STRBP: variants seen among roughly 807,000 people sequenced by gnomAD.
STRBP encodes spermatid perinuclear RNA-binding protein.
In STRBP, 13 loss-of-function variants were observed where a neutral mutation model predicts 80.1. That is an observed-to-expected ratio of 0.16 (90% CI 0.11 to 0.26). The LOEUF is 0.26. Ranked by LOEUF, STRBP falls within the 10% of genes least tolerant of loss-of-function variation. The pLI is 1.00. For synonymous variants in STRBP, 284 were observed against 291.2 expected (o/e 0.98, Z 0.25); for missense variants, 485 against 815.2 (o/e 0.59, Z 4.93).
At chr9:123,212,121 C>T (rs1394880511) in intron 2 of STRBP, among the ~76,000 whole-genome samples, 1 of 152,054 alleles carries the variant, frequency 6.6e-6, no homozygotes, top group Non-Finnish European at 1.5e-5. Flanking sequence ...TTAGAAAACT[C>T]AACATTAGGA....
chr9:123,199,902 A>G (rs1040558763), intron 2 of STRBP, among the ~76,000 whole-genome samples: 1 of 152,032 alleles, frequency 6.6e-6, no homozygotes, highest in Non-Finnish European at 1.5e-5. Flanking sequence ...TTCCAGAACT[A>G]TGTTTAATAG....
At chr9:123,127,961 T>C (rs1035144077) in intron 18 of STRBP, among the ~76,000 whole-genome samples, 14 of 152,184 alleles carry the variant, frequency 9.2e-5, no homozygotes, top group African/African-American at 3.4e-4. Context: ...CTTAAAATAT[T>C]TAATTTCAAT....
At chr9:123,129,793 G>T (rs944103591) in intron 17 of STRBP, among the ~76,000 whole-genome samples, 1 of 152,124 alleles carries the variant, frequency 6.6e-6, no homozygotes, top group Admixed American at 6.5e-5. Flanking sequence ...GAAGTAAACT[G>T]CTTTTAGGGA....
chr9:123,136,656 C>T lies in STRBP; in HGVS notation c.1498-141G>A. ...GGGGCTAGAATGAGTCACCTCTTTACACAAATGGCAAAATATCATTAAAGC... is the reference window on the plus strand; with the variant it reads ...GGGGCTAGAATGAGTCACCTCTTTATACAAATGGCAAAATATCATTAAAGC... On this transcript the variant is annotated intron_variant, in intron 14 of 18. Transcript: ENST00000348403. This position sits in a 1 kb window ranked among gnomAD's most constrained non-coding sequence, Gnocchi z 4.2. 2.1e-6 allele frequency: 2 copies of T among 933,524 alleles called. No homozygotes were observed. Among genetic ancestry groups the T allele is most frequent in the Non-Finnish European group, 3.1e-6 (2 of 642,248 alleles). The allele number at this position is 933,524 out of a possible 1,614,324, so 57.8% of individuals were successfully genotyped here.
chr9:123,196,048 G>C (rs929141135), intron 2 of STRBP, among the ~76,000 whole-genome samples: 2 of 152,120 alleles, frequency 1.3e-5, no homozygotes, highest in African/African-American at 4.8e-5. Context: ...GAACATAATA[G>C]AGAACCCAGA....
intron 3 of STRBP, chr9:123,113,164 T>TA (rs1588430286): frequency 6.0e-6 from 1 of 167,134 alleles, no homozygotes; most frequent in East Asian, 1.9e-4. Context: ...AGGCGTAACT[T>TA]ACAACCACAG....
intron 13 of STRBP, among the ~76,000 whole-genome samples, chr9:123,146,443 A>G (rs2036817715): frequency 6.6e-6 from 1 of 151,748 alleles, no homozygotes; most frequent in Non-Finnish European, 1.5e-5. Flanking sequence ...AAAATTATTT[A>G]TGAAGATTTT....
chr9:123,171,186 T>A (rs1221013759), intron 5 of STRBP, among the ~76,000 whole-genome samples: 1 of 152,214 alleles, frequency 6.6e-6, no homozygotes, highest in African/African-American at 2.4e-5. Context: ...TGCATGTCGA[T>A]CACCATAAGA....
Position 123,126,299 on chromosome 9 carries a change from T to TA in STRBP, c.1943-627dup, listed in dbSNP as rs1466268202. On this transcript the variant is annotated intron_variant, in intron 18 of 18. Coordinates refer to ENST00000348403, the MANE Select transcript of STRBP (RefSeq NM_018387.5). The surrounding 1 kb of genome is among the most constrained non-coding windows in gnomAD (Gnocchi z 4.4). ...GAAATCACAAAGCAGCAACAGCAGG[T>TA]ATTCAAGAGCACCAGATGATCAGAG... 6.6e-6 allele frequency among the ~76,000 whole-genome samples: 1 copy of TA among 152,210 alleles called. No individual in the cohort carries two copies. The highest frequency in any genetic ancestry group is 1.5e-5 in the Non-Finnish European group (1 of 68,044).
Position 123,124,862 on chromosome 9 carries a change from T to C in STRBP, c.*735A>G, listed in dbSNP as rs2035836994. On this transcript the variant is annotated 3_prime_UTR_variant, in exon 19 of 19. Transcript: ENST00000348403. ...ACCTTTATCATGGGGATGGCCCTTGTACAACAGGAGTACAAAGGGCTTACA... is the reference window on the plus strand; with the variant it reads ...ACCTTTATCATGGGGATGGCCCTTGCACAACAGGAGTACAAAGGGCTTACA... 2.0e-6 allele frequency: 2 copies of C among 985,398 alleles called. No individual in the cohort carries two copies. The highest frequency in any genetic ancestry group is 2.4e-6 in the Non-Finnish European group (2 of 829,934). 61.0% of individuals were successfully genotyped at this position (985,398 alleles called of 1,614,324 possible). A position where few individuals can be genotyped will look rare whatever the true frequency, so the allele number is the denominator to read the frequency against.
chr9:123,228,546 A>G (rs569320410), intron 2 of STRBP, among the ~76,000 whole-genome samples: 2 of 152,332 alleles, frequency 1.3e-5, no homozygotes, highest in Admixed American at 6.5e-5. Context: ...AGGAATGAAT[A>G]ATTGTGTCAA....
At chr9:123,216,372 T>C (rs2039897908) in intron 2 of STRBP, among the ~76,000 whole-genome samples, 1 of 152,256 alleles carries the variant, frequency 6.6e-6, no homozygotes, top group Admixed American at 6.5e-5. Flanking sequence ...GTCAAGCGAA[T>C]AATCAAATGA....
At chr9:123,234,810 A>T (rs1156588982) in intron 2 of STRBP, among the ~76,000 whole-genome samples, 1 of 152,182 alleles carries the variant, frequency 6.6e-6, no homozygotes, top group East Asian at 1.9e-4. Context: ...AAATACAAAA[A>T]TTAGCCAGGC....
chr9:123,164,612 A>G (rs1024793037), intron 6 of STRBP, among the ~76,000 whole-genome samples: 3 of 152,114 alleles, frequency 2.0e-5, no homozygotes, highest in Non-Finnish European at 2.9e-5. Context: ...AAAACAAAAC[A>G]TGATTGCATT....
chr9:123,177,923 A>C (rs549059766), intron 4 of STRBP, among the ~76,000 whole-genome samples: 1 of 152,226 alleles, frequency 6.6e-6, no homozygotes, highest in Non-Finnish European at 1.5e-5. Flanking sequence ...TAATTAGATA[A>C]CATTACTAAT....
At chr9:123,150,966 C>T (rs1318996097) in intron 11 of STRBP, among the ~76,000 whole-genome samples, 4 of 152,304 alleles carry the variant, frequency 2.6e-5, no homozygotes, top group Non-Finnish European at 5.9e-5. Flanking sequence ...CTCCCAGAAA[C>T]AAATATAAAT....
intron 2 of STRBP, among the ~76,000 whole-genome samples, chr9:123,223,719 C>G (rs1369297631): frequency 6.6e-6 from 1 of 152,012 alleles, no homozygotes; most frequent in Non-Finnish European, 1.5e-5. Flanking sequence ...TTCAACGTTA[C>G]AATTTTTTTT....
chr9:123,210,552 G>C (rs1185493669), intron 2 of STRBP, among the ~76,000 whole-genome samples: 1 of 152,090 alleles, frequency 6.6e-6, no homozygotes, highest in Non-Finnish European at 1.5e-5. Context: ...GATCAAGCAG[G>C]CCGGGCGCAG....
At chr9:123,181,696 A>T (rs569585893) in intron 3 of STRBP, among the ~76,000 whole-genome samples, 1 of 149,408 alleles carries the variant, frequency 6.7e-6, no homozygotes, top group East Asian at 2.0e-4. Context: ...GCTACTTGGG[A>T]GGCTGAGGCA....
Sources: gnomAD v4.1 joint callset for allele counts (sites outside exome capture counted in the v4.1 genomes callset) on GRCh38, gnomAD v4.1.1 for gene constraint, Gnocchi (gnomAD v3.1) non-coding constraint, MANE v1.5 for transcripts, NCBI Gene and HGNC (gene_info 2026-07-23, HGNC 2026-07-21) for gene names.